The following HORMAD2 variants were observed in gnomAD, a reference collection of about 807,000 sequenced individuals.
HORMAD2 encodes the protein HORMA domain containing 2.
In HORMAD2, 45 loss-of-function variants were observed where a neutral mutation model predicts 38.8. That is an observed-to-expected ratio of 1.16 (90% CI 0.91 to 1.49). HORMAD2 has a LOEUF of 1.49. Ranked by LOEUF, HORMAD2 falls within the 40% of genes most tolerant of loss-of-function variation. The probability of loss-of-function intolerance (pLI) is 0.00; values close to 1 mark genes in which losing one functional copy is unlikely to be tolerated. For missense variants in HORMAD2, 338 were observed against 367.0 expected, an observed-to-expected ratio of 0.92 and a Z score of 0.65; for synonymous variants, 126 against 122.8, an observed-to-expected ratio of 1.03 and a Z score of -0.17.
At chr22:30,180,631 T>C (rs960761374), downstream of HORMAD2, among the ~76,000 whole-genome samples, 1 of 152,174 alleles carries the variant, frequency 6.6e-6, no homozygotes, top group Non-Finnish European at 1.5e-5. Context: ...TTTCATACTT[T>C]TGTGAGATTT....
chr22:30,161,429 A>G (rs1374442115), intron 10 of HORMAD2, among the ~76,000 whole-genome samples: 1 of 152,188 alleles, frequency 6.6e-6, no homozygotes, highest in Non-Finnish European at 1.5e-5. Context: ...AGAATCAGCA[A>G]ATGTATGTCA....
chr22:30,120,255 C>A (rs898317416), intron 8 of HORMAD2, among the ~76,000 whole-genome samples: 5 of 152,152 alleles, frequency 3.3e-5, no homozygotes. Flanking sequence ...ACTGATGTGT[C>A]CTGGAGGCTC....
chr22:30,137,372 AC>A, intron 10 of HORMAD2: 1 of 486,896 alleles, frequency 2.1e-6, no homozygotes, highest in South Asian at 1.6e-5. Context: ...TTCACATCAT[AC>A]CAATCTTTCT....
chr22:30,088,270 T>A (rs2068621374), intron 1 of HORMAD2, among the ~76,000 whole-genome samples: 2 of 150,460 alleles, frequency 1.3e-5, no homozygotes, highest in South Asian at 4.1e-4. Context: ...TATACATATA[T>A]ACACACATAT....
chr22:30,205,596 G>C, the HORMAD2 span, among the ~76,000 whole-genome samples: 1 of 152,312 alleles, frequency 6.6e-6, no homozygotes, highest in South Asian at 2.1e-4. Context: ...ACAGCTGGAA[G>C]GCAGGGCTGA....
chr22:30,088,975 C>T (rs1407166040), intron 1 of HORMAD2, among the ~76,000 whole-genome samples: 1 of 152,094 alleles, frequency 6.6e-6, no homozygotes, highest in Non-Finnish European at 1.5e-5. Context: ...GTAAAGATAG[C>T]TTGGAATCTT....
At chr22:30,160,804 A>AT (rs941456316) in intron 10 of HORMAD2, among the ~76,000 whole-genome samples, 1 of 152,170 alleles carries the variant, frequency 6.6e-6, no homozygotes, top group African/African-American at 2.4e-5. Context: ...GTTTGAATAT[A>AT]TTTTTTCAAA....
At chr22:30,087,897 C>T (rs991654308) in intron 1 of HORMAD2, among the ~76,000 whole-genome samples, 2 of 152,040 alleles carry the variant, frequency 1.3e-5, no homozygotes, top group Non-Finnish European at 2.9e-5. Context: ...GTAACTGAGT[C>T]AGAATTTGAA....
chr22:30,127,651 T>A (rs553254200), intron 10 of HORMAD2, among the ~76,000 whole-genome samples: 2 of 152,344 alleles, frequency 1.3e-5, no homozygotes, highest in South Asian at 4.1e-4. Context: ...CACATCTTTG[T>A]CTTTTTCTAT....
chr22:30,129,167 G>A (rs1048492829), intron 10 of HORMAD2, among the ~76,000 whole-genome samples: 8 of 139,548 alleles, frequency 5.7e-5, no homozygotes, highest in African/African-American at 1.6e-4. Flanking sequence ...GCAGTGAGCC[G>A]AGATCGTGCC....
At chr22:30,128,800 T>A (rs771083563) in intron 10 of HORMAD2, among the ~76,000 whole-genome samples, 2 of 152,044 alleles carry the variant, frequency 1.3e-5, no homozygotes, top group Non-Finnish European at 2.9e-5. Context: ...CAAGATAGAG[T>A]ATATGATTAG....
chr22:30,157,634 G>A (rs1925164168), intron 10 of HORMAD2, among the ~76,000 whole-genome samples: 1 of 152,104 alleles, frequency 6.6e-6, no homozygotes, highest in Non-Finnish European at 1.5e-5. Context: ...AGTGTCTCTA[G>A]CTTCTGTGAT....
At chr22:30,125,295 T>C (rs1922783095) in intron 10 of HORMAD2, among the ~76,000 whole-genome samples, 1 of 131,788 alleles carries the variant, frequency 7.6e-6, no homozygotes, top group African/African-American at 2.8e-5. Context: ...TGGCACAATC[T>C]CAGCTCACGG....
At chr22:30,094,245 T>A (rs572081698) in intron 2 of HORMAD2, among the ~76,000 whole-genome samples, 212 of 152,306 alleles carry the variant, frequency 1.4e-3, no homozygotes, top group Admixed American at 3.1e-3. Context: ...TATATTTAGG[T>A]CTTCTAGAGT....
At chr22:30,112,452 A>G in intron 6 of HORMAD2, 44 bp from the exon 7 acceptor site, 2 of 1,007,166 alleles carry the variant, frequency 2.0e-6, no homozygotes, top group Non-Finnish European at 1.5e-6. Flanking sequence ...GGAGTAATCT[A>G]GTAAATTCCA....
the HORMAD2 span, among the ~76,000 whole-genome samples, chr22:30,187,937 G>A: frequency 1.3e-5 from 2 of 152,094 alleles, no homozygotes; most frequent in East Asian, 1.9e-4. Flanking sequence ...AATGCAAAGA[G>A]GAATGTAGGC....
At chr22:30,100,683 C>A (rs780048881) in intron 3 of HORMAD2, among the ~76,000 whole-genome samples, 1 of 152,106 alleles carries the variant, frequency 6.6e-6, no homozygotes, top group African/African-American at 2.4e-5. Flanking sequence ...TCCAATCTAT[C>A]CATCTGACAA....
At chr22:30,139,418 C>G (rs374725442) in intron 10 of HORMAD2, among the ~76,000 whole-genome samples, 5 of 150,092 alleles carry the variant, frequency 3.3e-5, no homozygotes, top group Non-Finnish European at 5.9e-5. Context: ...CTGACTGATA[C>G]GCTTGCTGAA....
chr22:30,183,579 T>C, the HORMAD2 span, among the ~76,000 whole-genome samples: 1 of 152,246 alleles, frequency 6.6e-6, no homozygotes, highest in African/African-American at 2.4e-5. Context: ...ACTGCTTTTA[T>C]CTCAATTTCT....
Sources: allele counts gnomAD v4.1 joint callset (sites outside exome capture counted in the v4.1 genomes callset), GRCh38; gene constraint gnomAD v4.1.1; transcripts MANE v1.5; gene names NCBI Gene and HGNC (gene_info 2026-07-23, HGNC 2026-07-21).